Variants in DLGAP1 observed in about 807,000 individuals in gnomAD.
DLGAP1 encodes DLG associated protein 1, also known as disks large-associated protein 1.
Under a neutral mutation model 90.8 loss-of-function variants are expected in DLGAP1, and 11 were observed. That is an observed-to-expected ratio of 0.12 (90% confidence interval 0.08 to 0.20). The LOEUF is 0.20. Among genes scored for constraint, DLGAP1 ranks in the 10% least tolerant of loss-of-function variants. The pLI is 1.00. For missense variants in DLGAP1, 1,050 were observed against 1,333.8 expected, an observed-to-expected ratio of 0.79 and a Z score of 3.31; for synonymous variants, 558 against 540.7, an observed-to-expected ratio of 1.03 and a Z score of -0.44.
intron 1 of DLGAP1, among the ~76,000 whole-genome samples, chr18:4,369,331 C>G (rs1223263393): frequency 6.6e-6 from 1 of 152,056 alleles, no homozygotes; most frequent in African/African-American, 2.4e-5. Flanking sequence ...AATCCTATAC[C>G]TGGCAAACAA....
intron 3 of DLGAP1, among the ~76,000 whole-genome samples, chr18:3,991,139 ATTTGT>A (rs1216286604): frequency 1.3e-5 from 2 of 152,002 alleles, no homozygotes; most frequent in African/African-American, 4.8e-5. Flanking sequence ...TTTTTTTAAA[ATTTGT>A]TTTAATTTCT....
At chr18:4,149,049 T>A (rs1163167152) in intron 2 of DLGAP1, among the ~76,000 whole-genome samples, 1 of 152,192 alleles carries the variant, frequency 6.6e-6, no homozygotes, top group East Asian at 1.9e-4. Flanking sequence ...ACAAACAGGG[T>A]TGTTTCCAAA....
intron 2 of DLGAP1, among the ~76,000 whole-genome samples, chr18:4,093,369 A>G (rs921085644): frequency 2.6e-5 from 4 of 152,242 alleles, no homozygotes; most frequent in African/African-American, 9.6e-5. Context: ...CTTTATCTGA[A>G]CTAGGTTCTG....
intron 1 of DLGAP1, among the ~76,000 whole-genome samples, chr18:4,247,592 A>G (rs1319554322): frequency 6.6e-6 from 1 of 152,072 alleles, no homozygotes; most frequent in African/African-American, 2.4e-5. Context: ...TCTGCCCAAC[A>G]TGGCAAAACC....
At chr18:4,041,478 C>T (rs2074973890) in intron 2 of DLGAP1, among the ~76,000 whole-genome samples, 1 of 152,126 alleles carries the variant, frequency 6.6e-6, no homozygotes, top group Non-Finnish European at 1.5e-5. Context: ...GGTAATGTTT[C>T]ATGTTTGAGC....
chr18:4,030,766 CA>C (rs1444266643), intron 2 of DLGAP1, among the ~76,000 whole-genome samples: 1 of 151,970 alleles, frequency 6.6e-6, no homozygotes, highest in African/African-American at 2.4e-5. Context: ...ACCAAAAATA[CA>C]AAAAATTACC....
intron 1 of DLGAP1, among the ~76,000 whole-genome samples, chr18:4,189,595 A>G (rs1464885572): frequency 1.3e-5 from 2 of 152,188 alleles, no homozygotes; most frequent in Non-Finnish European, 2.9e-5. Flanking sequence ...GAAAATTACT[A>G]TACAGATATA....
intron 7 of DLGAP1, among the ~76,000 whole-genome samples, chr18:3,622,240 G>A (rs1243971234): frequency 6.6e-6 from 1 of 151,902 alleles, no homozygotes; most frequent in Non-Finnish European, 1.5e-5. Context: ...AAGTAGCTGG[G>A]ACTACAGGCG....
At chr18:3,886,445 AT>A (rs2071316291) in intron 3 of DLGAP1, among the ~76,000 whole-genome samples, 2 of 152,284 alleles carry the variant, frequency 1.3e-5, no homozygotes, top group South Asian at 2.1e-4. Context: ...TCTTATAGTT[AT>A]TTTTAAAAGT....
chr18:3,986,481 A>C (rs553093116), intron 3 of DLGAP1: 1 of 152,124 alleles, frequency 6.6e-6, no homozygotes, highest in East Asian at 1.9e-4. Flanking sequence ...TCTGGCCTCA[A>C]GCAATCTTCT....
intron 9 of DLGAP1, among the ~76,000 whole-genome samples, chr18:3,562,816 T>C (rs996527324): frequency 6.6e-6 from 1 of 151,886 alleles, no homozygotes; most frequent in Non-Finnish European, 1.5e-5. Context: ...CTTTTATCTT[T>C]TTTGTTTGTT....
In DLGAP1 at chr18:3,879,511, C is replaced by G. The variant is rs199779721; in HGVS notation, c.558G>C (p.Glu186Asp). The G allele has an allele frequency of 7.2e-5, 116 of 1,602,920 alleles. No individual in the cohort carries two copies. The African/African-American group carries it at 1.5e-3, about 20-fold the overall frequency. The change falls in exon 4 of 13, where the codon GAG (glutamate) becomes GAC (aspartate). Residue 186 changes from glutamate (E) to aspartate (D), a missense_variant. Transcript: ENST00000315677. This position sits in a 1 kb window ranked among gnomAD's most constrained non-coding sequence, Gnocchi z 6.6. ...GCCGGGCCTTGGGCTCCGCGCGCCG[C>G]TCCTTGCTCTTGCTGCGTTTGCCAT... ...ARYGKRSKSK[E>D]RRAEPKARPS...
chr18:4,329,450 T>C (rs765565555), intron 1 of DLGAP1, among the ~76,000 whole-genome samples: 2 of 152,002 alleles, frequency 1.3e-5, no homozygotes, highest in Non-Finnish European at 2.9e-5. Flanking sequence ...TGTTTTCTGT[T>C]TAAAATTTTG....
intron 1 of DLGAP1, among the ~76,000 whole-genome samples, chr18:4,451,494 G>A (rs1331679108): frequency 1.1e-4 from 16 of 152,156 alleles, no homozygotes. Flanking sequence ...ATGAATGTCA[G>A]AAGACTATTT....
intron 3 of DLGAP1, among the ~76,000 whole-genome samples, chr18:3,916,918 T>C (rs1206363972): frequency 6.6e-6 from 1 of 152,214 alleles, no homozygotes; most frequent in East Asian, 1.9e-4. Context: ...TGGTTTGGTG[T>C]AGGATTTTTT....
At chr18:4,426,810 G>A (rs566163745) in intron 1 of DLGAP1, among the ~76,000 whole-genome samples, 75 of 152,236 alleles carry the variant, frequency 4.9e-4, no homozygotes, top group African/African-American at 1.7e-3. Flanking sequence ...CTGAAATCAC[G>A]TAAAACCAAT....
At chr18:3,818,713 T>C (rs2067235838) in intron 4 of DLGAP1, among the ~76,000 whole-genome samples, 1 of 151,600 alleles carries the variant, frequency 6.6e-6, no homozygotes, top group Admixed American at 6.6e-5. Flanking sequence ...GAGATTCTCC[T>C]GCCTCCCTAG....
chr18:3,523,727 G>A (rs1366705028), intron 10 of DLGAP1, among the ~76,000 whole-genome samples: 1 of 151,906 alleles, frequency 6.6e-6, no homozygotes, highest in South Asian at 2.1e-4. Context: ...TGCGCCCGTA[G>A]TCCCAGCTAC....
chr18:3,536,032 G>GAAAGA (rs750478992), intron 9 of DLGAP1, among the ~76,000 whole-genome samples: 1 of 151,738 alleles, frequency 6.6e-6, no homozygotes, highest in Non-Finnish European at 1.5e-5. Context: ...CTCAAAAAAA[G>GAAAGA]AAAGAAAAGA....
Sources: allele counts gnomAD v4.1 joint callset (sites outside exome capture counted in the v4.1 genomes callset), GRCh38; gene constraint gnomAD v4.1.1; non-coding constraint Gnocchi (gnomAD v3.1); transcripts MANE v1.5; gene names NCBI Gene and HGNC (gene_info 2026-07-23, HGNC 2026-07-21).